Variants in COL19A1 observed in about 807,000 individuals in gnomAD.
COL19A1 encodes the protein collagen alpha-1(XIX) chain.
A neutral mutation model predicts 190.2 loss-of-function variants in COL19A1; 159 were observed. The ratio of observed to expected loss-of-function variants is 0.84; its 90% CI spans 0.73 to 0.95. The LOEUF (loss-of-function observed/expected upper bound fraction) is 0.95. Among genes scored for constraint, COL19A1 ranks in the 40% least tolerant of loss-of-function variants. The pLI is 0.00. For missense variants in COL19A1, 1,418 were observed against 1,431.9 expected, an observed-to-expected ratio of 0.99 and a Z score of 0.16; for synonymous variants, 509 against 458.9, an observed-to-expected ratio of 1.11 and a Z score of -1.39.
chr6:70,073,616 G>A (rs1373463582), intron 15 of COL19A1, among the ~76,000 whole-genome samples: 2 of 152,118 alleles, frequency 1.3e-5, no homozygotes, highest in African/African-American at 2.4e-5. Context: ...AATTTTACCT[G>A]AATCTTACTT....
intron 4 of COL19A1, among the ~76,000 whole-genome samples, chr6:69,925,118 T>A (rs1772272448): frequency 6.6e-6 from 1 of 152,234 alleles, no homozygotes; most frequent in South Asian, 2.1e-4. Context: ...TTTTGGCTTT[T>A]GTTGCCATTG....
chr6:70,212,045 A>G lies in COL19A1; in HGVS notation c.*4771A>G, dbSNP rs1347531345. Among the ~76,000 whole-genome samples the G allele has an allele frequency of 6.6e-6, 1 of 152,142 alleles. No homozygotes were observed. The highest frequency in any genetic ancestry group is 1.5e-5 in the Non-Finnish European group (1 of 68,030). ...GCTTCACTAAATGAGGGGGTAAATA[A>G]GATTTAAGTTTATCAGAAGTGTGTG... On this transcript the variant is annotated 3_prime_UTR_variant, in exon 51 of 51. Transcript: ENST00000620364.
chr6:69,943,905 C>A (rs1773625438), intron 9 of COL19A1, among the ~76,000 whole-genome samples: 1 of 152,106 alleles, frequency 6.6e-6, no homozygotes, highest in Non-Finnish European at 1.5e-5. Context: ...AAATCCTGTC[C>A]CACCTGAGCC....
intron 14 of COL19A1, among the ~76,000 whole-genome samples, chr6:70,056,710 C>G (rs529070101): frequency 2.0e-4 from 31 of 152,030 alleles, no homozygotes; most frequent in African/African-American, 7.2e-4. Flanking sequence ...ATGCTTCTGG[C>G]AGAAAGGAGG....
chr6:69,982,842 G>GGC (rs1425491746), intron 11 of COL19A1, among the ~76,000 whole-genome samples: 3 of 151,244 alleles, frequency 2.0e-5, no homozygotes, highest in Non-Finnish European at 4.4e-5. Context: ...CTTGGTGGTG[G>GGC]GCGCCTGTAG....
In COL19A1 at chr6:69,917,182, C is replaced by T. The variant is rs532645097; in HGVS notation, c.267-10727C>T. Among the ~76,000 whole-genome samples the T allele has an allele frequency of 2.0e-5, 3 of 152,252 alleles. No individual in the cohort carries two copies. In the East Asian group the frequency reaches 5.8e-4, roughly 29 times the overall value. ...TTCAGCCTGTAGAGATTTTAAACTTCTTTTTGAAATTAAGAAACTGATGTG... is the reference window on the plus strand; with the variant it reads ...TTCAGCCTGTAGAGATTTTAAACTTTTTTTTGAAATTAAGAAACTGATGTG... On this transcript the variant is annotated intron_variant, in intron 4 of 50. Coordinates refer to ENST00000620364, the MANE Select transcript of COL19A1 (RefSeq NM_001858.6).
chr6:69,947,552 GA>G (rs1374908444), intron 9 of COL19A1, among the ~76,000 whole-genome samples: 1 of 151,732 alleles, frequency 6.6e-6, no homozygotes, highest in Non-Finnish European at 1.5e-5. Flanking sequence ...TTGATGCTAA[GA>G]AAATTCTCTT....
chr6:69,936,633 T>A lies in COL19A1; in HGVS notation c.748-152T>A, dbSNP rs1773129776. 3 of 921,278 alleles carry A rather than the reference T, an allele frequency of 3.3e-6. No homozygotes were observed. In the African/African-American group the frequency reaches 5.0e-5, roughly 15 times the overall value. 57.1% of individuals were successfully genotyped at this position (921,278 alleles called of 1,614,324 possible). On this transcript the variant is annotated intron_variant, in intron 7 of 50. Transcript: ENST00000620364. ...TCAGGCGGAAAGTGCAAAAGTGTGATAAACATTCTCACACTGGTGTTAACT... is the reference window on the plus strand; with the variant it reads ...TCAGGCGGAAAGTGCAAAAGTGTGAAAAACATTCTCACACTGGTGTTAACT...
At chr6:70,074,684 G>C (rs917665485) in intron 15 of COL19A1, among the ~76,000 whole-genome samples, 8 of 152,066 alleles carry the variant, frequency 5.3e-5, no homozygotes, top group Non-Finnish European at 8.8e-5. Flanking sequence ...GAATTTTAGA[G>C]AGGAGTCTTA....
rs567837004 is a variant in COL19A1 at position 70,079,898 on chromosome 6, C to T, written c.1224+11422C>T. Among the ~76,000 whole-genome samples the T allele has an allele frequency of 2.6e-4, 40 of 152,026 alleles. 2 individuals are homozygous for T. The South Asian group carries it at 6.7e-3, about 25-fold the overall frequency. Reference sequence around the variant, plus strand: ...ATATATATATGTGAATACTCAACTACGATTACAAACTGAAGCAAAGAAGTC... The same window carrying T: ...ATATATATATGTGAATACTCAACTATGATTACAAACTGAAGCAAAGAAGTC... On this transcript the variant is annotated intron_variant, in intron 15 of 50. Transcript: ENST00000620364.
chr6:69,919,317 T>C (rs1369093191), intron 4 of COL19A1, among the ~76,000 whole-genome samples: 1 of 152,238 alleles, frequency 6.6e-6, no homozygotes, highest in Non-Finnish European at 1.5e-5. Flanking sequence ...GCTTGTGTTT[T>C]ATAAACACGA....
chr6:70,091,393 G>A (rs1782917440), intron 15 of COL19A1, among the ~76,000 whole-genome samples: 1 of 152,128 alleles, frequency 6.6e-6, no homozygotes, highest in South Asian at 2.1e-4. Context: ...AAGCTCTATT[G>A]AGACAGAATT....
In COL19A1 at chr6:70,165,682, A is replaced by AT. The variant is rs200314099; in HGVS notation, c.2401-258dup. Reference sequence around the variant, plus strand: ...ATGAGCACCTGGGTTGTCTGGCTCCATCTAAAAATAAGCTTCGTTTCTAGA... The same window carrying AT: ...ATGAGCACCTGGGTTGTCTGGCTCCATTCTAAAAATAAGCTTCGTTTCTAGA... On this transcript the variant is annotated intron_variant, in intron 36 of 50. Transcript: ENST00000620364. Among the ~76,000 whole-genome samples the AT allele has an allele frequency of 0.039, 5,905 of 152,286 alleles. 154 individuals are homozygous for AT. Among genetic ancestry groups the AT allele is most frequent in the Non-Finnish European group, 0.06 (4,049 of 68,030 alleles).
At chr6:70,076,572 G>C (rs1781894690) in intron 15 of COL19A1, among the ~76,000 whole-genome samples, 1 of 152,204 alleles carries the variant, frequency 6.6e-6, no homozygotes, top group Non-Finnish European at 1.5e-5. Flanking sequence ...TGAGGGACCA[G>C]GGGGAGAGTC....
At chr6:70,186,098 G>T (rs1282513666) in intron 46 of COL19A1, among the ~76,000 whole-genome samples, 1 of 151,720 alleles carries the variant, frequency 6.6e-6, no homozygotes. Context: ...ATCTTTTCTT[G>T]TCTGTAAATA....
chr6:69,965,566 T>A (rs1052730363), intron 11 of COL19A1, among the ~76,000 whole-genome samples: 8 of 152,244 alleles, frequency 5.3e-5, no homozygotes, highest in African/African-American at 1.9e-4. Context: ...ATTTAAAGTA[T>A]ATTTCTGAAT....
intron 9 of COL19A1, among the ~76,000 whole-genome samples, chr6:69,950,600 C>G (rs1018408864): frequency 6.7e-6 from 1 of 149,388 alleles, no homozygotes; most frequent in African/African-American, 2.5e-5. Context: ...CTCTGTCAAT[C>G]AAAATAAGTA....
At chr6:70,057,298 A>G (rs1780560771) in intron 14 of COL19A1, among the ~76,000 whole-genome samples, 1 of 152,128 alleles carries the variant, frequency 6.6e-6, no homozygotes. Context: ...ACAGACCATG[A>G]CCTACCAATT....
chr6:69,962,343 A>G (rs1457283537), intron 10 of COL19A1, among the ~76,000 whole-genome samples: 1 of 152,244 alleles, frequency 6.6e-6, no homozygotes, highest in Non-Finnish European at 1.5e-5. Flanking sequence ...AGGTAGAGCC[A>G]GAACCCAAGG....
Sources: allele counts gnomAD v4.1 joint callset (sites outside exome capture counted in the v4.1 genomes callset), GRCh38; gene constraint gnomAD v4.1.1; transcripts MANE v1.5; gene names NCBI Gene and HGNC (gene_info 2026-07-23, HGNC 2026-07-21).